The following FAM78B variants were observed in gnomAD, a reference collection of about 807,000 sequenced individuals.
The protein encoded by FAM78B is family with sequence similarity 78 member B, also known as protein FAM78B.
Under a neutral mutation model 20.0 loss-of-function variants are expected in FAM78B, and 10 were observed. The ratio of observed to expected loss-of-function variants is 0.50; its 90% CI spans 0.31 to 0.85. FAM78B has a LOEUF of 0.85. Among genes scored for constraint, FAM78B ranks in the 40% least tolerant of loss-of-function variants. The pLI, the probability that FAM78B is intolerant of heterozygous loss-of-function variation, is 0.05. For synonymous variants in FAM78B, 135 were observed against 132.8 expected, an observed-to-expected ratio of 1.02 and a Z score of -0.12; for missense variants, 283 against 345.0, an observed-to-expected ratio of 0.82 and a Z score of 1.42.
chr1:166,140,740 G>A (rs796720629), intron 1 of FAM78B, among the ~76,000 whole-genome samples: 1 of 152,176 alleles, frequency 6.6e-6, no homozygotes, highest in Non-Finnish European at 1.5e-5. Flanking sequence ...ATACAACAAA[G>A]AAGCCTTTTT....
intron 1 of FAM78B, among the ~76,000 whole-genome samples, chr1:166,111,344 C>T (rs138760019): frequency 6.6e-6 from 1 of 152,298 alleles, no homozygotes; most frequent in African/African-American, 2.4e-5. Flanking sequence ...GCTCTCTGCA[C>T]TCCCACCAAT....
chr1:166,079,563 A>G (rs529405854), intron 1 of FAM78B, among the ~76,000 whole-genome samples: 1 of 152,264 alleles, frequency 6.6e-6, no homozygotes, highest in Admixed American at 6.5e-5. Context: ...GTGATGGAAC[A>G]TCTTTTTCAA....
At chr1:166,060,513 C>G (rs1173357693) in exon 3 of FAM78B, 1 of 960,468 alleles carries the variant, frequency 1.0e-6, no homozygotes, top group Non-Finnish European at 1.5e-6. Flanking sequence ...GGGAGGAAGG[C>G]GAGGAGGTAG....
intron 1 of FAM78B, among the ~76,000 whole-genome samples, chr1:166,095,709 TGATA>T (rs1269204230): frequency 2.0e-5 from 3 of 151,974 alleles, no homozygotes; most frequent in Admixed American, 6.6e-5. Context: ...ATTGCTTACG[TGATA>T]GATAGTAAGT....
At chr1:166,086,037 T>C (rs1338368102) in intron 1 of FAM78B, among the ~76,000 whole-genome samples, 1 of 151,998 alleles carries the variant, frequency 6.6e-6, no homozygotes, top group Non-Finnish European at 1.5e-5. Flanking sequence ...ACTAAATTCT[T>C]GCTATAGTAA....
chr1:166,135,104 A>C (rs1313078323), intron 1 of FAM78B, among the ~76,000 whole-genome samples: 3 of 152,214 alleles, frequency 2.0e-5, no homozygotes, highest in Admixed American at 2.0e-4. Context: ...ACGTTCCCTG[A>C]AAAAGTTCAG....
At chr1:166,148,382 G>A (rs1269797399) in intron 1 of FAM78B, among the ~76,000 whole-genome samples, 1 of 152,196 alleles carries the variant, frequency 6.6e-6, no homozygotes, top group Admixed American at 6.5e-5. Flanking sequence ...CATGATGGTA[G>A]GCAGAGGCCT....
rs559978471 is a variant in FAM78B, at chr1:166,075,505, C to T, written c.264-4742G>A. Among the ~76,000 whole-genome samples, 4 of 152,264 alleles carry T rather than the reference C, an allele frequency of 2.6e-5. No homozygotes were observed. In the South Asian group the frequency reaches 8.3e-4, roughly 32 times the overall value. On this transcript the variant is annotated intron_variant, in intron 1 of 1. Transcript: ENST00000354422. Reference sequence around the variant, plus strand: ...TGACATTTTACACCCATCCCTGAACCAATCACAATGGTATTTCAAGGTGTA... The same window carrying T: ...TGACATTTTACACCCATCCCTGAACTAATCACAATGGTATTTCAAGGTGTA...
At chr1:166,121,019 A>T (rs982007022) in intron 1 of FAM78B, among the ~76,000 whole-genome samples, 4 of 152,314 alleles carry the variant, frequency 2.6e-5, no homozygotes, top group African/African-American at 9.6e-5. Context: ...TCTTGATCTC[A>T]TTCTTTACTA....
intron 1 of FAM78B, among the ~76,000 whole-genome samples, chr1:166,095,293 G>T (rs932262024): frequency 2.0e-5 from 3 of 151,998 alleles, no homozygotes; most frequent in Non-Finnish European, 4.4e-5. Flanking sequence ...AAGAGCAGCC[G>T]GAGTGCAGGT....
rs200794576 is a variant in FAM78B, at chr1:166,106,349, T to TAA, written c.264-35588_264-35587dup. On this transcript the variant is annotated intron_variant, in intron 1 of 1. Transcript: ENST00000354422. ...GTGCACATGTACCCTAAAACTTAAATAAAAAAAAAAGAAAATGTAGTACAC... is the reference window on the plus strand; with the variant it reads ...GTGCACATGTACCCTAAAACTTAAATAAAAAAAAAAAAGAAAATGTAGTACAC... Among the ~76,000 whole-genome samples the TAA allele has an allele frequency of 1.0e-4, 14 of 139,846 alleles. 1 individual carries two copies. In the South Asian group the frequency reaches 2.2e-3, roughly 22 times the overall value. The allele number at this position is 139,846 out of a possible 152,430, so 91.7% of individuals were successfully genotyped here. A position where few individuals can be genotyped will look rare whatever the true frequency, so the allele number is the denominator to read the frequency against.
At chr1:166,056,876 C>G (rs1651364760), downstream of FAM78B, among the ~76,000 whole-genome samples, 1 of 152,134 alleles carries the variant, frequency 6.6e-6, no homozygotes, top group South Asian at 2.1e-4. Context: ...ATCCTAACCC[C>G]CATGGTGATA....
At chr1:166,097,150 G>A (rs897914841) in intron 1 of FAM78B, among the ~76,000 whole-genome samples, 1 of 152,180 alleles carries the variant, frequency 6.6e-6, no homozygotes. Flanking sequence ...ACTTTACCTG[G>A]AGCTGAGTCA....
intron 1 of FAM78B, among the ~76,000 whole-genome samples, chr1:166,149,092 C>A (rs902108270): frequency 3.9e-5 from 6 of 152,034 alleles, no homozygotes; most frequent in Admixed American, 2.0e-4. Flanking sequence ...GTGAATAATG[C>A]CGCAATAAAC....
At position 166,109,882 on chromosome 1, in the gene FAM78B, G is replaced by GTATA. The variant is rs1274176169; in HGVS notation, c.264-39123_264-39120dup. On this transcript the variant is annotated intron_variant, in intron 1 of 1. Coordinates refer to ENST00000354422, the MANE Select transcript of FAM78B (RefSeq NM_001017961.5). ...TATATGTATGTGTATATATATATAT[G>GTATA]TATATATGTATATATATATATATAT... Among the ~76,000 whole-genome samples, 114 of 12,232 alleles carry GTATA rather than the reference G, an allele frequency of 9.3e-3. 8 individuals carry two copies. Among genetic ancestry groups the GTATA allele is most frequent in the South Asian group, 0.058 (16 of 278 alleles). 8.0% of individuals were successfully genotyped at this position (12,232 alleles called of 152,430 possible). A position where few individuals can be genotyped will look rare whatever the true frequency, so the allele number is the denominator to read the frequency against.
intron 1 of FAM78B, among the ~76,000 whole-genome samples, chr1:166,133,020 T>C (rs1485450922): frequency 6.6e-6 from 1 of 152,212 alleles, no homozygotes; most frequent in Non-Finnish European, 1.5e-5. Context: ...GAGACTTTGT[T>C]GAGGAATTGG....
intron 1 of FAM78B, among the ~76,000 whole-genome samples, chr1:166,104,959 A>C (rs1653708266): frequency 6.6e-6 from 1 of 152,240 alleles, no homozygotes; most frequent in Admixed American, 6.5e-5. Flanking sequence ...AAACTATACT[A>C]CAAGGGTAGA....
At chr1:166,109,898 A>ATG (rs1353170646) in intron 1 of FAM78B, among the ~76,000 whole-genome samples, 9 of 80,138 alleles carry the variant, frequency 1.1e-4, no homozygotes, top group African/African-American at 3.9e-4. Context: ...ATGTATATAT[A>ATG]TATATATATA....
intron 1 of FAM78B, among the ~76,000 whole-genome samples, chr1:166,140,745 CT>C (rs1437701113): frequency 1.3e-5 from 2 of 152,104 alleles, no homozygotes; most frequent in African/African-American, 4.8e-5. Flanking sequence ...ACAAAGAAGC[CT>C]TTTTTGGGGG....
Sources: allele counts gnomAD v4.1 joint callset (sites outside exome capture counted in the v4.1 genomes callset), GRCh38; gene constraint gnomAD v4.1.1; transcripts MANE v1.5; gene names NCBI Gene and HGNC (gene_info 2026-07-23, HGNC 2026-07-21).